CHRND: variants seen among roughly 807,000 people sequenced by gnomAD.
CHRND encodes the protein cholinergic receptor nicotinic delta subunit, also known as acetylcholine receptor subunit delta.
In CHRND, 40 loss-of-function variants were observed where a neutral mutation model predicts 57.8. The ratio of observed to expected loss-of-function variants is 0.69; its 90% CI spans 0.54 to 0.90. The LOEUF (loss-of-function observed/expected upper bound fraction) is 0.90. CHRND is among the 40% of genes least tolerant of loss of function. CHRND has a pLI of 0.00. For synonymous variants in CHRND, 237 were observed against 270.6 expected (o/e 0.88, Z 1.22); for missense variants, 634 against 673.9 (o/e 0.94, Z 0.66).
At position 232,528,901 on chromosome 2, in the gene CHRND, G is replaced by C; in HGVS notation, c.549G>C (p.Leu183=). The change falls in exon 6 of 12, where the codon CTG becomes CTC. Residue 183 remains leucine (L), a synonymous_variant. Coordinates refer to ENST00000258385, the MANE Select transcript of CHRND (RefSeq NM_000751.3). ...KYTAKEITLS[L]KQDAKENRTY... ...CGGCCAAAGAGATCACCCTGAGCCT[G>C]AAACAGGATGCCAAGGAGAACCGCA... 6.2e-7 allele frequency: 1 copy of C among 1,614,098 alleles called. No individual in the cohort carries two copies. The highest frequency in any genetic ancestry group is 8.5e-7 in the Non-Finnish European group (1 of 1,180,018).
rs1470442650 is a variant in CHRND, at chr2:232,535,638, C to T, written c.*326C>T. The T allele has an allele frequency of 9.5e-6, 5 of 528,888 alleles. No homozygotes were observed. Among genetic ancestry groups the T allele is most frequent in the South Asian group, 1.5e-5 (1 of 64,830 alleles). The allele number at this position is 528,888 out of a possible 1,614,324, so 32.8% of individuals were successfully genotyped here. On this transcript the variant is annotated 3_prime_UTR_variant, in exon 12 of 12. Coordinates refer to ENST00000258385, the MANE Select transcript of CHRND (RefSeq NM_000751.3). The stretch of plus-strand genomic sequence containing the variant: ...CTGATAGGGGTGAGACAGATAGGGC[C>T]CCTTCTCTGCTTCTCCTCCCCCAAG...
rs566492748 is a variant in CHRND, at chr2:232,535,716, C to A, written c.*404C>A. The A allele has an allele frequency of 3.7e-5, 17 of 461,422 alleles. No individual in the cohort carries two copies. The highest frequency in any genetic ancestry group is 3.0e-4 in the African/African-American group (15 of 50,492). 28.6% of individuals were successfully genotyped at this position (461,422 alleles called of 1,614,324 possible). A position where few individuals can be genotyped will look rare whatever the true frequency, so the allele number is the denominator to read the frequency against. ...CGCCTTCACTCTCTGGCCCCTCCAG[C>A]CTCCCTCTTCCTACCTACCCTTCAA... is the stretch of plus-strand genomic sequence containing the variant. On this transcript the variant is annotated 3_prime_UTR_variant, in exon 12 of 12. Coordinates refer to ENST00000258385, the MANE Select transcript of CHRND (RefSeq NM_000751.3).
Position 232,528,330 on chromosome 2 carries a change from C to G in CHRND, c.312C>G (p.Pro104=), listed in dbSNP as rs1312438853. The G allele has an allele frequency of 1.9e-6, 3 of 1,613,976 alleles. No individual in the cohort carries two copies. The highest frequency in any genetic ancestry group is 2.5e-6 in the Non-Finnish European group (3 of 1,180,022). ...GAAACATCAGTGTCCTGCGCCTCCC[C>G]CCGGACATGGTGTGGCTCCCAGAGA... The part of the protein sequence containing the change: ...EFGNISVLRL[P]PDMVWLPEIV... The change falls in exon 4 of 12, where the codon CCC becomes CCG. Residue 104 remains proline (P), a synonymous_variant. Coordinates refer to ENST00000258385, the MANE Select transcript of CHRND (RefSeq NM_000751.3).
Position 232,531,659 on chromosome 2 carries a change from G to A in CHRND, c.1047+3G>A, listed in dbSNP as rs757620438. On this transcript the variant is annotated splice_donor_region_variant and intron_variant, in intron 9 of 11. Transcript: ENST00000258385. ...TGCTGTCTGAGGGGGTCAAGAAGGTGAGTACTTGGCCCGGCGCAAAAGCTC... is the reference window on the plus strand; with the variant it reads ...TGCTGTCTGAGGGGGTCAAGAAGGTAAGTACTTGGCCCGGCGCAAAAGCTC... The A allele has an allele frequency of 1.2e-6, 2 of 1,610,356 alleles. No individual in the cohort carries two copies. The highest frequency in any genetic ancestry group is 2.7e-5 in the African/African-American group (2 of 74,856).
intron 10 of CHRND, 33 bp from the exon 11 acceptor site, chr2:232,534,190 AG>A (rs1195426764): frequency 6.2e-7 from 1 of 1,612,794 alleles, no homozygotes; most frequent in East Asian, 2.2e-5. Context: ...GGGTGGAGGC[AG>A]GCCTCACACC....
rs1223770896 is a variant in CHRND at position 232,535,354 on chromosome 2, G to A, written c.*42G>A. On this transcript the variant is annotated 3_prime_UTR_variant, in exon 12 of 12. Coordinates refer to ENST00000258385, the MANE Select transcript of CHRND (RefSeq NM_000751.3). ...AGCCAGGAGACAGCAGGGTCTGAGA[G>A]AGGAGCCACAGTCCCTAATGACACC... The A allele has an allele frequency of 3.1e-6, 5 of 1,604,744 alleles. No individual in the cohort carries two copies. The highest frequency in any genetic ancestry group is 4.2e-6 in the Non-Finnish European group (5 of 1,178,056).
Position 232,528,345 on chromosome 2 carries a change from G to A in CHRND, c.327G>A (p.Trp109Ter). The A allele has an allele frequency of 1.2e-6, 2 of 1,614,086 alleles. No individual in the cohort carries two copies. The highest frequency in any genetic ancestry group is 1.7e-6 in the Non-Finnish European group (2 of 1,180,016). ...SVLRLPPDMV[W>*]LPEIVLENNN... ...TGCGCCTCCCCCCGGACATGGTGTG[G>A]CTCCCAGAGATTGTGCTGGAGAACA... The change falls in exon 4 of 12, where the codon TGG (tryptophan) becomes TGA (stop). Residue 109 changes from tryptophan (W) to a stop codon, truncating the protein, a stop_gained. Transcript: ENST00000258385. LOFTEE classifies it high-confidence loss of function.
chr2:232,536,207 C>G lies in CHRND; in HGVS notation c.*895C>G. 2.2e-6 allele frequency: 1 copy of G among 454,154 alleles called. No homozygotes were observed. The highest frequency in any genetic ancestry group is 2.3e-5 in the Admixed American group (1 of 42,576). 28.1% of individuals were successfully genotyped at this position (454,154 alleles called of 1,614,324 possible). A position where few individuals can be genotyped will look rare whatever the true frequency, so the allele number is the denominator to read the frequency against. On this transcript the variant is annotated 3_prime_UTR_variant, in exon 12 of 12. Transcript: ENST00000258385. ...GGTCTGTTTGTATGGTGGTCCACCT[C>G]CAAGATGGCCCCAGTGATGCCCAGT...
rs903301739 is a variant in CHRND, at chr2:232,535,002, G to A, written c.1372-128G>A. 34 of 1,083,322 alleles carry A rather than the reference G, an allele frequency of 3.1e-5. No homozygotes were observed. The South Asian group carries it at 3.3e-4, about 10-fold the overall frequency. 67.1% of individuals were successfully genotyped at this position (1,083,322 alleles called of 1,614,324 possible). On this transcript the variant is annotated intron_variant, in intron 11 of 11. Transcript: ENST00000258385. ...GCTGGGGACAAGCCAGCATTATCCTGCAAGCCCGAGGCAGCCTCTGCAGGC... is the reference window on the plus strand; with the variant it reads ...GCTGGGGACAAGCCAGCATTATCCTACAAGCCCGAGGCAGCCTCTGCAGGC...
rs775474131 is a variant in CHRND at position 232,535,492 on chromosome 2, C to T, written c.*180C>T. On this transcript the variant is annotated 3_prime_UTR_variant, in exon 12 of 12. Coordinates refer to ENST00000258385, the MANE Select transcript of CHRND (RefSeq NM_000751.3). Reference sequence around the variant, plus strand: ...CCCCTGAAATCAAGACAGGGGCCACCCGAGATGGTCTGAGGGTGGACATCG... The same window carrying T: ...CCCCTGAAATCAAGACAGGGGCCACTCGAGATGGTCTGAGGGTGGACATCG... The T allele has an allele frequency of 1.2e-6, 1 of 805,444 alleles. No individual in the cohort carries two copies. The allele number at this position is 805,444 out of a possible 1,614,324, so 49.9% of individuals were successfully genotyped here.
intron 3 of CHRND, 107 bp from the exon 4 acceptor site, chr2:232,528,155 T>TTTGTCACA (rs1390701362): frequency 1.9e-6 from 2 of 1,071,062 alleles, no homozygotes; most frequent in African/African-American, 3.1e-5. Flanking sequence ...CCAAACCTCT[T>TTTGTCACA]TTGTCACAGC....
At chr2:232,533,489 C>G (rs532782580) in intron 9 of CHRND, among the ~76,000 whole-genome samples, 4 of 152,150 alleles carry the variant, frequency 2.6e-5, no homozygotes, top group Non-Finnish European at 5.9e-5. Context: ...AGTAGGAGAT[C>G]GGGGAATCAA....
rs759448201 is a variant in CHRND, at chr2:232,526,604, G to T, written c.128G>T (p.Arg43Leu). The T allele has an allele frequency of 6.2e-7, 1 of 1,613,662 alleles. No individual in the cohort carries two copies. The highest frequency in any genetic ancestry group is 1.3e-5 in the African/African-American group (1 of 74,908). The change falls in exon 2 of 12, where the codon CGG (arginine) becomes CTG (leucine). Residue 43 changes from arginine (R) to leucine (L), a missense_variant. Arg to Leu is a moderately radical substitution (Grantham distance 102). Coordinates refer to ENST00000258385, the MANE Select transcript of CHRND (RefSeq NM_000751.3). ...FQEKGYNKEL[R>L]PVAHKEESVD... ...GAGAAGGGCTACAACAAGGAGCTCC[G>T]GCCCGTGGCACACAAAGAGGAGAGT...
chr2:232,531,457 T>C lies in CHRND; in HGVS notation c.926T>C (p.Ile309Thr). The C allele has an allele frequency of 1.2e-6, 2 of 1,613,830 alleles. No individual in the cohort carries two copies. Among genetic ancestry groups the C allele is most frequent in the Non-Finnish European group, 1.7e-6 (2 of 1,179,906 alleles). ...GCCACATCCATGGCCATCCCCCTTA[T>C]CGGCAAGTGAGTGACGCTCAAGCCC... ...LPATSMAIPL[I>T]GKFLLFGMVL... Residue 309 changes from isoleucine (I) to threonine (T), a missense_variant, in exon 8 of 12, where the codon ATC (isoleucine) becomes ACC (threonine). By Grantham distance (89) the Ile-to-Thr change is moderately conservative (BLOSUM62 -1). Coordinates refer to ENST00000258385, the MANE Select transcript of CHRND (RefSeq NM_000751.3).
intron 6 of CHRND, 76 bp downstream of exon 6, chr2:232,529,047 GACAC>G (rs1691587093): frequency 1.0e-6 from 1 of 989,324 alleles, no homozygotes; most frequent in East Asian, 2.4e-5. Context: ...CCACCCCAGA[GACAC>G]ACACGTGCAC....
chr2:232,530,131 C>CG lies in CHRND; in HGVS notation c.814dup (p.Ala272GlyfsTer2), dbSNP rs1691631696. ...ATGGTCAACCTGGTCTTCTACCTACCGGCTGACAGTGAGCCTCCAGGCCCC... is the reference window on the plus strand; with the variant it reads ...ATGGTCAACCTGGTCTTCTACCTACCGGGCTGACAGTGAGCCTCCAGGCCCC... On this transcript the variant is annotated frameshift_variant, in exon 7 of 12. Transcript: ENST00000258385. LOFTEE classifies it high-confidence loss of function. The CG allele has an allele frequency of 6.2e-7, 1 of 1,613,942 alleles. No individual in the cohort carries two copies. The highest frequency in any genetic ancestry group is 1.3e-5 in the African/African-American group (1 of 74,914).
At chr2:232,527,043 A>T (rs12464247) in intron 2 of CHRND, among the ~76,000 whole-genome samples, 50,024 of 152,030 alleles carry the variant, frequency 0.33, 8,794 homozygotes, top group Admixed American at 0.45. Context: ...TCATGCCTGT[A>T]ATCCCAGCAC....
chr2:232,528,219 G>T (rs1239951519), intron 3 of CHRND, 43 bp from the exon 4 acceptor site: 2 of 1,580,334 alleles, frequency 1.3e-6, no homozygotes, highest in Non-Finnish European at 1.7e-6. Context: ...CAGGAGCCTG[G>T]ATGGCTGCAG....
At position 232,534,010 on chromosome 2, in the gene CHRND, G is replaced by A. The variant is rs749866545; in HGVS notation, c.1127G>A (p.Arg376Gln). The A allele has an allele frequency of 1.1e-4, 173 of 1,614,044 alleles. No homozygotes were observed. Among genetic ancestry groups the A allele is most frequent in the Admixed American group, 3.2e-4 (19 of 60,036 alleles). ...EDGPSPGALV[R>Q]RSSSLGYISK... ...GGACCCAGCCCTGGGGCCCTGGTGC[G>A]GAGGAGCAGCTCCCTGGGATACATC... The change falls in exon 10 of 12, where the codon CGG becomes CAG. Residue 376 changes from arginine (R) to glutamine (Q), a missense_variant. Physicochemically the swap from Arg to Gln is conservative, Grantham distance 43 (BLOSUM62 1). Coordinates refer to ENST00000258385, the MANE Select transcript of CHRND (RefSeq NM_000751.3).
Sources: allele counts gnomAD v4.1 joint callset (sites outside exome capture counted in the v4.1 genomes callset), GRCh38; gene constraint gnomAD v4.1.1; transcripts MANE v1.5; gene names NCBI Gene and HGNC (gene_info 2026-07-23, HGNC 2026-07-21).